TRAPPC9: variants seen among roughly 807,000 people sequenced by gnomAD.
The protein encoded by TRAPPC9 is trafficking protein particle complex subunit 9, also known as IKK2 binding protein.
A neutral mutation model predicts 124.0 loss-of-function variants in TRAPPC9; 83 were observed. The ratio of observed to expected loss-of-function variants is 0.67; its 90% CI spans 0.56 to 0.80. TRAPPC9 has a LOEUF of 0.80. TRAPPC9 is among the 30% of genes least tolerant of loss of function. The pLI, the probability that TRAPPC9 is intolerant of heterozygous loss-of-function variation, is 0.00. For synonymous variants in TRAPPC9, 638 were observed against 617.5 expected, an observed-to-expected ratio of 1.03 and a Z score of -0.49; for missense variants, 1,302 against 1,508.3, an observed-to-expected ratio of 0.86 and a Z score of 2.27.
chr8:139,898,095 C>T (rs1452427881), intron 20 of TRAPPC9, among the ~76,000 whole-genome samples: 1 of 152,230 alleles, frequency 6.6e-6, no homozygotes, highest in African/African-American at 2.4e-5. Flanking sequence ...TGAAGCATAA[C>T]TCCAGGAGTA....
intron 9 of TRAPPC9, among the ~76,000 whole-genome samples, chr8:140,336,887 T>G (rs1588170762): frequency 7.0e-6 from 1 of 142,948 alleles, no homozygotes; most frequent in South Asian, 2.3e-4. Flanking sequence ...GAATGAGTCT[T>G]CCAGGCGATT....
chr8:140,313,513 C>A (rs1192052266), intron 9 of TRAPPC9, among the ~76,000 whole-genome samples: 1 of 152,174 alleles, frequency 6.6e-6, no homozygotes, highest in Non-Finnish European at 1.5e-5. Context: ...CATTAGAGAA[C>A]CCCCGTGTTT....
intron 14 of TRAPPC9, among the ~76,000 whole-genome samples, chr8:140,281,911 T>C (rs1178704099): frequency 6.6e-6 from 1 of 152,162 alleles, no homozygotes; most frequent in Non-Finnish European, 1.5e-5. Flanking sequence ...GGAAGAACTC[T>C]TCCCTGAGTC....
intron 21 of TRAPPC9, among the ~76,000 whole-genome samples, chr8:139,824,070 C>G (rs911088887): frequency 3.9e-5 from 6 of 152,232 alleles, no homozygotes; most frequent in Non-Finnish European, 8.8e-5. Context: ...ACCCCATTTT[C>G]ACTCAGAGCC....
At chr8:140,010,920 C>G (rs186595786) in intron 18 of TRAPPC9, among the ~76,000 whole-genome samples, 2 of 152,110 alleles carry the variant, frequency 1.3e-5, no homozygotes, top group African/African-American at 2.4e-5. Flanking sequence ...GGGTATCTAT[C>G]GGACAGAAGG....
intron 10 of TRAPPC9, among the ~76,000 whole-genome samples, chr8:140,305,868 G>C (rs1033381989): frequency 6.6e-6 from 1 of 152,202 alleles, no homozygotes. Context: ...CTCAGTTCAA[G>C]AAGAGGAAGT....
At chr8:140,083,018 C>A (rs1258722826) in intron 17 of TRAPPC9, among the ~76,000 whole-genome samples, 7 of 152,156 alleles carry the variant, frequency 4.6e-5, no homozygotes, top group Non-Finnish European at 8.8e-5. Flanking sequence ...CATGGTAAAA[C>A]CCCCTCTCTA....
intron 19 of TRAPPC9, among the ~76,000 whole-genome samples, chr8:139,915,411 T>A (rs1484057985): frequency 6.6e-6 from 1 of 152,198 alleles, no homozygotes; most frequent in Non-Finnish European, 1.5e-5. Context: ...CACATCTGGC[T>A]AATTTTTGTA....
At chr8:140,269,739 T>TA (rs1468917584) in intron 15 of TRAPPC9, among the ~76,000 whole-genome samples, 2 of 152,110 alleles carry the variant, frequency 1.3e-5, no homozygotes, top group East Asian at 3.9e-4. Flanking sequence ...ATTCTTATAA[T>TA]AAAAGTTTGA....
chr8:140,034,334 C>G (rs1840739917), intron 17 of TRAPPC9, among the ~76,000 whole-genome samples: 1 of 152,132 alleles, frequency 6.6e-6, no homozygotes, highest in Non-Finnish European at 1.5e-5. Context: ...CAAAGATTTC[C>G]CTCACCTCTC....
intron 21 of TRAPPC9, among the ~76,000 whole-genome samples, chr8:139,857,072 G>GGGGTGCCTGCCCTGCATTT (rs71276841): frequency 2.6e-5 from 4 of 151,608 alleles, no homozygotes; most frequent in South Asian, 2.1e-4. Context: ...TCAGACAGAG[G>GGGGTGCCTGCCCTGCATTT]TGAAAGAGCA....
At chr8:140,233,847 G>C (rs1252343745) in intron 16 of TRAPPC9, among the ~76,000 whole-genome samples, 2 of 150,686 alleles carry the variant, frequency 1.3e-5, no homozygotes, top group South Asian at 2.1e-4. Context: ...TATTCCCAGA[G>C]AAAGCCTTCC....
intron 4 of TRAPPC9, among the ~76,000 whole-genome samples, chr8:140,429,449 C>T (rs956276789): frequency 8.6e-6 from 1 of 116,552 alleles, no homozygotes; most frequent in Non-Finnish European, 2.1e-5. Flanking sequence ...GGTCAAGTTC[C>T]TCAACCTGTC....
At chr8:140,385,541 C>A (rs1197818732) in intron 7 of TRAPPC9, among the ~76,000 whole-genome samples, 1 of 152,192 alleles carries the variant, frequency 6.6e-6, no homozygotes. Flanking sequence ...ATAAACACCT[C>A]TATGCAAATA....
intron 21 of TRAPPC9, among the ~76,000 whole-genome samples, chr8:139,752,728 C>T (rs1023176302): frequency 5.9e-5 from 9 of 151,890 alleles, no homozygotes; most frequent in Non-Finnish European, 1.3e-4. Context: ...CATCCATCCA[C>T]TACCACCTGT....
intron 17 of TRAPPC9, 27 bp from the exon 18 acceptor site, chr8:140,024,106 A>C (rs1451225942): frequency 6.2e-7 from 1 of 1,610,850 alleles, no homozygotes; most frequent in Admixed American, 1.7e-5. Context: ...AAAAAAATAC[A>C]CACACACACA....
At chr8:139,750,288 AGC>A (rs1819225818) in intron 21 of TRAPPC9, among the ~76,000 whole-genome samples, 1 of 152,172 alleles carries the variant, frequency 6.6e-6, no homozygotes, top group African/African-American at 2.4e-5. Flanking sequence ...CCATTATGGC[AGC>A]CACCCTGAGA....
rs1587349100 is a variant in TRAPPC9, at chr8:139,960,739, C to G, written c.2810+27987G>C. 4.8e-5 allele frequency among the ~76,000 whole-genome samples: 6 copies of G among 124,642 alleles called. 1 individual carries two copies. Among genetic ancestry groups the G allele is most frequent in the African/African-American group, 1.0e-4 (4 of 39,382 alleles). 81.8% of individuals were successfully genotyped at this position (124,642 alleles called of 152,430 possible). A position where few individuals can be genotyped will look rare whatever the true frequency, so the allele number is the denominator to read the frequency against. On this transcript the variant is annotated intron_variant, in intron 19 of 22. Transcript: ENST00000438773. ...GGACGGTGACCATGTGGGGGACACC[C>G]AAGCACCCCACCTGGCCCTCAGGAA... is the stretch of plus-strand genomic sequence containing the variant.
chr8:140,016,423 C>A (rs900835428), intron 18 of TRAPPC9, among the ~76,000 whole-genome samples: 13 of 152,190 alleles, frequency 8.5e-5, no homozygotes, highest in African/African-American at 2.9e-4. Context: ...GTTGCTAACC[C>A]AAATCCCTTC....
Sources: allele counts gnomAD v4.1 joint callset (sites outside exome capture counted in the v4.1 genomes callset), GRCh38; gene constraint gnomAD v4.1.1; transcripts MANE v1.5; gene names NCBI Gene and HGNC (gene_info 2026-07-23, HGNC 2026-07-21).